Variants in RCSD1 observed in about 807,000 individuals in gnomAD.
RCSD1 encodes the protein capZ-interacting protein.
A neutral mutation model predicts 42.5 loss-of-function variants in RCSD1; 26 were observed. That is an observed-to-expected ratio of 0.61 (90% CI 0.45 to 0.85). RCSD1 has a LOEUF of 0.85. Among genes scored for constraint, RCSD1 ranks in the 40% least tolerant of loss-of-function variants. The pLI is 0.00. For synonymous variants in RCSD1, 220 were observed against 212.2 expected, an observed-to-expected ratio of 1.04 and a Z score of -0.32; for missense variants, 571 against 528.3, an observed-to-expected ratio of 1.08 and a Z score of -0.79.
intron 1 of RCSD1, among the ~76,000 whole-genome samples, chr1:167,657,631 T>A (rs1389115608): frequency 3.3e-5 from 5 of 152,170 alleles, no homozygotes; most frequent in Admixed American, 6.5e-5. Context: ...TCTGGGCATC[T>A]GTGCCCAGTC....
chr1:167,703,702 G>A (rs760796562), intron 6 of RCSD1, among the ~76,000 whole-genome samples: 23 of 152,162 alleles, frequency 1.5e-4, no homozygotes, highest in Admixed American at 5.9e-4. Flanking sequence ...TTTGCCACAT[G>A]CCTAACCTTC....
chr1:167,700,023 T>C (rs149557760), intron 6 of RCSD1, among the ~76,000 whole-genome samples: 2 of 152,360 alleles, frequency 1.3e-5, no homozygotes, highest in East Asian at 1.9e-4. Flanking sequence ...TATTTTTTAA[T>C]TGTATTTCTC....
intron 1 of RCSD1, among the ~76,000 whole-genome samples, chr1:167,642,416 T>C (rs1179729487): frequency 1.3e-5 from 2 of 152,234 alleles, no homozygotes; most frequent in Non-Finnish European, 2.9e-5. Context: ...GAAAACTGCT[T>C]CATAAGCACA....
rs182896689 is a variant in RCSD1, at chr1:167,700,419, C to T, written c.1218+2577C>T. On this transcript the variant is annotated intron_variant, in intron 6 of 6. Coordinates refer to ENST00000367854, the MANE Select transcript of RCSD1 (RefSeq NM_052862.4). The stretch of plus-strand genomic sequence containing the variant: ...ATCCCAGCACTTTGGGAGGCTGAGG[C>T]GGGTGGATCACAAGGTCAGGAGATC... Among the ~76,000 whole-genome samples the T allele has an allele frequency of 2.4e-4, 37 of 152,070 alleles. No homozygotes were observed. The East Asian group carries it at 6.8e-3, about 28-fold the overall frequency.
At chr1:167,683,764 T>A in intron 1 of RCSD1, 136 bp from the exon 2 acceptor site, 1 of 817,828 alleles carries the variant, frequency 1.2e-6, no homozygotes, top group African/African-American at 1.7e-5. Flanking sequence ...AGTCCTTGAA[T>A]GCAGGAGCCA....
chr1:167,670,357 GAAAAAA>G (rs58634704), intron 1 of RCSD1, among the ~76,000 whole-genome samples: 3 of 132,356 alleles, frequency 2.3e-5, no homozygotes, highest in African/African-American at 8.3e-5. Context: ...CTTTGCAAAA[GAAAAAA>G]AAAAAAAAAA....
intron 1 of RCSD1, among the ~76,000 whole-genome samples, chr1:167,651,441 G>A (rs1658302237): frequency 6.6e-6 from 1 of 152,130 alleles, no homozygotes; most frequent in Admixed American, 6.5e-5. Flanking sequence ...CCAGGCACCA[G>A]GGCACACTGC....
chr1:167,630,944 CTTCT>C (rs1657682278), intron 1 of RCSD1, among the ~76,000 whole-genome samples: 1 of 152,156 alleles, frequency 6.6e-6, no homozygotes, highest in Admixed American at 6.5e-5. Flanking sequence ...GTCCAGTTGT[CTTCT>C]TGCTTCTGAA....
intron 1 of RCSD1, among the ~76,000 whole-genome samples, chr1:167,668,307 A>G (rs1658710764): frequency 6.6e-6 from 1 of 151,772 alleles, no homozygotes; most frequent in African/African-American, 2.4e-5. Flanking sequence ...AAACTCTGTG[A>G]GTTCCAGCCA....
At chr1:167,663,132 C>T (rs1558080377) in intron 1 of RCSD1, among the ~76,000 whole-genome samples, 1 of 152,184 alleles carries the variant, frequency 6.6e-6, no homozygotes. Flanking sequence ...TGGATCTTCC[C>T]TTCTAACTTT....
intron 6 of RCSD1, among the ~76,000 whole-genome samples, chr1:167,701,466 A>G (rs1276551598): frequency 6.6e-6 from 1 of 151,686 alleles, no homozygotes; most frequent in Non-Finnish European, 1.5e-5. Flanking sequence ...CCACCATGCC[A>G]GGCTATTTTT....
rs1306947577 is a variant in RCSD1 at position 167,706,780 on chromosome 1, G to A, written c.*2084G>A. On this transcript the variant is annotated 3_prime_UTR_variant, in exon 7 of 7. Coordinates refer to ENST00000367854, the MANE Select transcript of RCSD1 (RefSeq NM_052862.4). ...TCATGAAGTACAGGGACTGATTTTT[G>A]TTGGTGCTGCAGCCCCACTGCTTAA... Among the ~76,000 whole-genome samples, 1 of 152,120 alleles carries A rather than the reference G, an allele frequency of 6.6e-6. No homozygotes were observed. Among genetic ancestry groups the A allele is most frequent in the East Asian group, 1.9e-4 (1 of 5,204 alleles).
At chr1:167,692,098 G>A (rs1207448221) in intron 4 of RCSD1, among the ~76,000 whole-genome samples, 1 of 152,172 alleles carries the variant, frequency 6.6e-6, no homozygotes, top group African/African-American at 2.4e-5. Context: ...AACAACTTGA[G>A]AATGTGGTTT....
chr1:167,643,077 G>A (rs576329746), intron 1 of RCSD1, among the ~76,000 whole-genome samples: 53 of 152,304 alleles, frequency 3.5e-4, no homozygotes, highest in Non-Finnish European at 6.8e-4. Context: ...CTGTAAAACC[G>A]ATACCTGCTT....
At chr1:167,670,532 C>T (rs1375557680) in intron 1 of RCSD1, among the ~76,000 whole-genome samples, 2 of 152,068 alleles carry the variant, frequency 1.3e-5, no homozygotes, top group Non-Finnish European at 2.9e-5. Context: ...ATCCCAGCAC[C>T]CTCTCCATCT....
intron 3 of RCSD1, among the ~76,000 whole-genome samples, chr1:167,686,287 T>C (rs2102233221): frequency 1.3e-5 from 2 of 152,242 alleles, no homozygotes; most frequent in South Asian, 4.1e-4. Context: ...AAAGACAATG[T>C]CATTCCCAAA....
chr1:167,677,983 G>T (rs1658990748), intron 1 of RCSD1, among the ~76,000 whole-genome samples: 1 of 152,136 alleles, frequency 6.6e-6, no homozygotes, highest in African/African-American at 2.4e-5. Context: ...TTTCCCTTTG[G>T]ATTAGTGATT....
At chr1:167,685,562 CTTCTT>C in intron 3 of RCSD1, 52 bp downstream of exon 3, 3 of 1,504,404 alleles carry the variant, frequency 2.0e-6, no homozygotes, top group Non-Finnish European at 2.8e-6. Context: ...TTTCTTTCCT[CTTCTT>C]GAGGAAAGTT....
At chr1:167,679,207 A>C (rs1659022796) in intron 1 of RCSD1, among the ~76,000 whole-genome samples, 1 of 152,172 alleles carries the variant, frequency 6.6e-6, no homozygotes, top group Admixed American at 6.5e-5. Flanking sequence ...TCATGCCTGC[A>C]CTTACTGACT....
Sources: gnomAD v4.1 joint callset for allele counts (sites outside exome capture counted in the v4.1 genomes callset) on GRCh38, gnomAD v4.1.1 for gene constraint, MANE v1.5 for transcripts, NCBI Gene and HGNC (gene_info 2026-07-23, HGNC 2026-07-21) for gene names.